The following SLC9D1 variants were observed in gnomAD, a reference collection of about 807,000 sequenced individuals.
SLC9D1 encodes putative LAG1-interacting protein.
the SLC9D1 span, chr13:113,549,474 C>T: frequency 2.5e-5 from 40 of 1,613,944 alleles, no homozygotes; most frequent in South Asian, 3.3e-5. Context: ...TTGCTCGCCC[C>T]GGTGCTGTGG....
At chr13:113,547,327 C>T in the SLC9D1 span, 549 of 1,614,150 alleles carry the variant, frequency 3.4e-4, 7 homozygotes, top group South Asian at 5.7e-3. Flanking sequence ...ACGTTTGTGG[C>T]GTACGAGCTC....
At chr13:113,497,585 C>T in the SLC9D1 span, among the ~76,000 whole-genome samples, 3 of 149,074 alleles carry the variant, frequency 2.0e-5, no homozygotes, top group African/African-American at 7.5e-5. Flanking sequence ...TGTGTGAGAC[C>T]TGCAGCTGTG....
At chr13:113,504,378 G>A in the SLC9D1 span, 3 of 152,176 alleles carry the variant, frequency 2.0e-5, no homozygotes, top group Non-Finnish European at 4.4e-5. Flanking sequence ...AACAGGTGGT[G>A]TTTGGTTACA....
chr13:113,547,588 TC>T, the SLC9D1 span, among the ~76,000 whole-genome samples: 1 of 152,196 alleles, frequency 6.6e-6, no homozygotes, highest in African/African-American at 2.4e-5. Flanking sequence ...ATCGATTGTT[TC>T]AGAATTGAGC....
chr13:113,515,519 A>C, the SLC9D1 span, among the ~76,000 whole-genome samples: 1 of 152,224 alleles, frequency 6.6e-6, no homozygotes, highest in African/African-American at 2.4e-5. Flanking sequence ...CCAGAAGCTC[A>C]GTGATGGCTC....
At chr13:113,520,170 A>AT in the SLC9D1 span, among the ~76,000 whole-genome samples, 1 of 152,188 alleles carries the variant, frequency 6.6e-6, no homozygotes, top group Non-Finnish European at 1.5e-5. Flanking sequence ...TCTCAAAGAG[A>AT]TTTTAAAGTC....
At chr13:113,510,861 C>G in the SLC9D1 span, among the ~76,000 whole-genome samples, 78 of 152,350 alleles carry the variant, frequency 5.1e-4, no homozygotes, top group African/African-American at 1.1e-3. Context: ...GTTCCCGACT[C>G]TTTGGCTTTG....
the SLC9D1 span, among the ~76,000 whole-genome samples, chr13:113,537,893 G>A: frequency 1.9e-5 from 2 of 105,844 alleles, no homozygotes; most frequent in African/African-American, 6.9e-5. Context: ...GTAGCCGTGT[G>A]TGTGTGCGTG....
the SLC9D1 span, among the ~76,000 whole-genome samples, chr13:113,519,888 C>T: frequency 6.6e-6 from 1 of 152,220 alleles, no homozygotes; most frequent in African/African-American, 2.4e-5. Context: ...GGTCTGCACA[C>T]GTGGAACACA....
At chr13:113,531,717 G>A in the SLC9D1 span, among the ~76,000 whole-genome samples, 8 of 152,250 alleles carry the variant, frequency 5.3e-5, no homozygotes, top group African/African-American at 7.2e-5. Context: ...CAGCACGCAC[G>A]TGGACCTGCC....
At chr13:113,509,377 G>A in the SLC9D1 span, among the ~76,000 whole-genome samples, 8 of 108,524 alleles carry the variant, frequency 7.4e-5, no homozygotes, top group African/African-American at 9.5e-5. Context: ...TGGGCTTGGT[G>A]GGTGGGTCCT....
At chr13:113,534,657 C>T in the SLC9D1 span, 9 of 206,550 alleles carry the variant, frequency 4.4e-5, no homozygotes, top group Admixed American at 2.7e-4. Flanking sequence ...GGGGCGTGGT[C>T]GCGCTCATGT....
the SLC9D1 span, chr13:113,510,237 GGT>G: frequency 6.2e-7 from 1 of 1,613,850 alleles, no homozygotes; most frequent in South Asian, 1.1e-5. Flanking sequence ...TTCTCTTTAA[GGT>G]GTGGAAGATT....
the SLC9D1 span, chr13:113,548,340 C>T: frequency 7.4e-6 from 12 of 1,613,902 alleles, no homozygotes; most frequent in Non-Finnish European, 9.3e-6. Flanking sequence ...CTCATTCTGC[C>T]GAGGAGCAGC....
chr13:113,509,185 GT>G, the SLC9D1 span, among the ~76,000 whole-genome samples: 2 of 143,684 alleles, frequency 1.4e-5, no homozygotes, highest in African/African-American at 2.7e-5. Context: ...TGGCAGGTGG[GT>G]CCCCCCTGGA....
At chr13:113,500,541 C>A in the SLC9D1 span, among the ~76,000 whole-genome samples, 2 of 152,124 alleles carry the variant, frequency 1.3e-5, no homozygotes, top group African/African-American at 4.8e-5. Context: ...GCATGAGAAC[C>A]CATCCAGCAG....
chr13:113,537,609 T>G, the SLC9D1 span, among the ~76,000 whole-genome samples: 1 of 152,258 alleles, frequency 6.6e-6, no homozygotes, highest in Non-Finnish European at 1.5e-5. Context: ...AATTTCAGCA[T>G]CATCGCTTAT....
the SLC9D1 span, chr13:113,520,785 A>G: frequency 2.3e-6 from 3 of 1,293,400 alleles, no homozygotes; most frequent in Admixed American, 3.4e-5. Context: ...TCACTTGTGC[A>G]TAAAAATACT....
chr13:113,537,425 A>G, the SLC9D1 span, among the ~76,000 whole-genome samples: 1 of 152,172 alleles, frequency 6.6e-6, no homozygotes, highest in African/African-American at 2.4e-5. Context: ...GCTTCCACTT[A>G]GCACCACGTC....
Sources: allele counts gnomAD v4.1 joint callset (sites outside exome capture counted in the v4.1 genomes callset), GRCh38; gene constraint gnomAD v4.1.1; transcripts MANE v1.5; gene names NCBI Gene and HGNC (gene_info 2026-07-23, HGNC 2026-07-21).